The following UBR2 variants were observed in gnomAD, a reference collection of about 807,000 sequenced individuals.
The protein encoded by UBR2 is E3 ubiquitin-protein ligase UBR2.
UBR2 carries 92 observed loss-of-function variants against 247.9 expected under a neutral mutation model. The ratio of observed to expected loss-of-function variants is 0.37; its 90% CI spans 0.31 to 0.44. The LOEUF (loss-of-function observed/expected upper bound fraction) is 0.44. Among genes scored for constraint, UBR2 ranks in the 20% least tolerant of loss-of-function variants. The pLI is 1.00. For synonymous variants in UBR2, 672 were observed against 693.5 expected (o/e 0.97, Z 0.49); for missense variants, 1,613 against 2,112.6 (o/e 0.76, Z 4.64).
intron 4 of UBR2, among the ~76,000 whole-genome samples, chr6:42,603,240 A>G (rs1793499258): frequency 6.6e-6 from 1 of 152,302 alleles, no homozygotes; most frequent in African/African-American, 2.4e-5. Flanking sequence ...TGTATTCTAG[A>G]AATTGGGGGT....
At chr6:42,636,223 G>A (rs991313233) in intron 14 of UBR2, among the ~76,000 whole-genome samples, 2 of 143,714 alleles carry the variant, frequency 1.4e-5, no homozygotes, top group African/African-American at 5.2e-5. Flanking sequence ...TGTTGCCCAG[G>A]CCAGAGTGCA....
Position 42,691,860 on chromosome 6 carries a change from T to G in UBR2, c.*687T>G, listed in dbSNP as rs1799771990. The G allele has an allele frequency of 6.6e-6, 1 of 151,690 alleles. No individual in the cohort carries two copies. The allele number at this position is 151,690 out of a possible 1,614,324, so 9.4% of individuals were successfully genotyped here. ...TCACTTAGAGGGCTTTCCAAAAACT[T>G]AGGATGGTCTAAAAAATTAGGATAT... On this transcript the variant is annotated 3_prime_UTR_variant, in exon 47 of 47. Transcript: ENST00000372901.
At chr6:42,577,192 T>A (rs1791577742) in intron 2 of UBR2, among the ~76,000 whole-genome samples, 1 of 152,164 alleles carries the variant, frequency 6.6e-6, no homozygotes, top group South Asian at 2.1e-4. Flanking sequence ...ATATGGTTAT[T>A]GGAATTCTGG....
At chr6:42,612,701 G>A (rs1342547674) in intron 8 of UBR2, among the ~76,000 whole-genome samples, 1 of 152,116 alleles carries the variant, frequency 6.6e-6, no homozygotes, top group Admixed American at 6.6e-5. Context: ...CTGTTTAAAC[G>A]ATAAAACACT....
In UBR2 at chr6:42,659,485, G is replaced by A. The variant is rs974844271; in HGVS notation, c.3243-171G>A. ...CACTCACCCCAGCCTGGGTGACAGA[G>A]CAAGACTCTGTCTCAAAAAATAAAT... On this transcript the variant is annotated intron_variant, in intron 29 of 46. Coordinates refer to ENST00000372901, the MANE Select transcript of UBR2 (RefSeq NM_001363705.2). This position sits in a 1 kb window ranked among gnomAD's most constrained non-coding sequence, Gnocchi z 4.3. Among the ~76,000 whole-genome samples, 2 of 150,810 alleles carry A rather than the reference G, an allele frequency of 1.3e-5. No homozygotes were observed. Among genetic ancestry groups the A allele is most frequent in the African/African-American group, 4.9e-5 (2 of 40,884 alleles).
chr6:42,614,388 G>GTACGTACATACA lies in UBR2; in HGVS notation c.986-676_986-665dup, dbSNP rs1270177493. 1.2e-4 allele frequency among the ~76,000 whole-genome samples: 16 copies of GTACGTACATACA among 133,076 alleles called. No individual in the cohort carries two copies. In the Admixed American group the frequency reaches 1.2e-3, roughly 10 times the overall value. The allele number at this position is 133,076 out of a possible 152,430, so 87.3% of individuals were successfully genotyped here. ...TGTGTGTATGTGTGTATATATGTAT[G>GTACGTACATACA]TACGTACATACATACGTATGTATGT... On this transcript the variant is annotated intron_variant, in intron 8 of 46. Transcript: ENST00000372901.
intron 30 of UBR2, among the ~76,000 whole-genome samples, chr6:42,660,568 G>A (rs533027878): frequency 1.1e-4 from 16 of 152,240 alleles, no homozygotes; most frequent in East Asian, 3.9e-4. Context: ...ACACTGCAGC[G>A]TGAAAGGAGG....
At chr6:42,635,683 C>A in intron 14 of UBR2, 137 bp downstream of exon 14, 1 of 1,028,806 alleles carries the variant, frequency 9.7e-7, no homozygotes, top group Non-Finnish European at 1.3e-6. Flanking sequence ...TTTCCTTCTC[C>A]ACCTATAAAC....
intron 38 of UBR2, among the ~76,000 whole-genome samples, chr6:42,675,237 A>G (rs149632459): frequency 6.6e-6 from 1 of 152,364 alleles, no homozygotes; most frequent in Non-Finnish European, 1.5e-5. Context: ...CAGGAGGCCA[A>G]CAGAGCTAGC....
chr6:42,621,519 A>C (rs1202212502), intron 11 of UBR2, among the ~76,000 whole-genome samples: 3 of 151,616 alleles, frequency 2.0e-5, no homozygotes, highest in Non-Finnish European at 4.4e-5. Flanking sequence ...CTGGAGTGCA[A>C]TGGTGTGATC....
At chr6:42,587,541 A>G (rs1792374245) in intron 2 of UBR2, among the ~76,000 whole-genome samples, 1 of 151,902 alleles carries the variant, frequency 6.6e-6, no homozygotes, top group Non-Finnish European at 1.5e-5. Context: ...AATTTTTTGT[A>G]GAGATGGGGT....
chr6:42,624,547 T>C (rs1279067822), intron 11 of UBR2, among the ~76,000 whole-genome samples: 2 of 152,164 alleles, frequency 1.3e-5, no homozygotes, highest in South Asian at 2.1e-4. Context: ...AAGAGTTAAA[T>C]TGACAGGAGG....
chr6:42,593,667 A>G (rs2151918492), intron 3 of UBR2, among the ~76,000 whole-genome samples: 1 of 152,246 alleles, frequency 6.6e-6, no homozygotes, highest in Middle Eastern at 3.4e-3. Flanking sequence ...CTACTTTTGC[A>G]TTTCCTGAGC....
At chr6:42,632,487 T>G (rs2151951118) in intron 11 of UBR2, 65 bp from the exon 12 acceptor site, 6 of 1,405,994 alleles carry the variant, frequency 4.3e-6, no homozygotes, top group East Asian at 5.0e-5. Context: ...GTTGGTGACT[T>G]TTTTTTTAGT....
At chr6:42,654,247 G>T (rs546892483) in intron 25 of UBR2, among the ~76,000 whole-genome samples, 8 of 152,154 alleles carry the variant, frequency 5.3e-5, no homozygotes, top group African/African-American at 1.7e-4. Flanking sequence ...ACTAGCTGTC[G>T]TGTACTGTCA....
chr6:42,614,367 T>TACGTACATACATACATACGTATATAC (rs1794350916), intron 8 of UBR2, among the ~76,000 whole-genome samples: 1 of 17,272 alleles, frequency 5.8e-5, no homozygotes, highest in African/African-American at 1.9e-4. Context: ...TATATATGTG[T>TACGTACATACATACATACGTATATAC]GTATGTGTGT....
intron 42 of UBR2, among the ~76,000 whole-genome samples, chr6:42,681,387 A>G (rs1467206805): frequency 1.3e-5 from 2 of 152,082 alleles, no homozygotes; most frequent in Non-Finnish European, 2.9e-5. Flanking sequence ...TCCAGACTAT[A>G]TATATCCAGA....
chr6:42,629,849 A>G (rs919767074), intron 11 of UBR2, among the ~76,000 whole-genome samples: 6 of 152,104 alleles, frequency 3.9e-5, no homozygotes, highest in African/African-American at 1.4e-4. Flanking sequence ...ACTTTGAAAT[A>G]TGTGCTTCTT....
rs1191634572 is a variant in UBR2, at chr6:42,606,594, T to C, written c.807T>C (p.Arg269=). ...GFATTVDRDG[R]RSVRYGDFQY... is the part of the protein sequence containing the mutation. Reference sequence around the variant, plus strand: ...AATTTTAAATATCTTTACAGGGGCGTAGGTCTGTTCGATATGGAGATTTTC... The same window carrying C: ...AATTTTAAATATCTTTACAGGGGCGCAGGTCTGTTCGATATGGAGATTTTC... The change falls in exon 7 of 47, where the codon CGT becomes CGC. Residue 269 remains arginine, a synonymous_variant. Transcript: ENST00000372901. 21 of 1,610,626 alleles carry C rather than the reference T, an allele frequency of 1.3e-5. No homozygotes were observed. The highest frequency in any genetic ancestry group is 1.7e-5 in the Non-Finnish European group (20 of 1,178,594).
Sources: allele counts gnomAD v4.1 joint callset (sites outside exome capture counted in the v4.1 genomes callset), GRCh38; gene constraint gnomAD v4.1.1; non-coding constraint Gnocchi (gnomAD v3.1); transcripts MANE v1.5; gene names NCBI Gene and HGNC (gene_info 2026-07-23, HGNC 2026-07-21).